BABAM2: variants seen among roughly 807,000 people sequenced by gnomAD.
BABAM2 encodes BRISC and BRCA1-A complex member 2.
Under a neutral mutation model 54.7 loss-of-function variants are expected in BABAM2, and 31 were observed. That is an observed-to-expected ratio of 0.57 (90% CI 0.43 to 0.77). The LOEUF (loss-of-function observed/expected upper bound fraction) is 0.77, where lower values mean the gene tolerates loss of function less well. BABAM2 is among the 30% of genes least tolerant of loss of function. BABAM2 has a pLI of 0.00. For synonymous variants in BABAM2, 167 were observed against 162.9 expected, an observed-to-expected ratio of 1.03 and a Z score of -0.19; for missense variants, 364 against 455.8, an observed-to-expected ratio of 0.80 and a Z score of 1.83.
At chr2:27,988,662 A>G (rs558601066) in intron 4 of BABAM2, among the ~76,000 whole-genome samples, 1 of 152,322 alleles carries the variant, frequency 6.6e-6, no homozygotes, top group South Asian at 2.1e-4. Context: ...CATTAGGGAA[A>G]GGGTGGTGGT....
At chr2:27,898,412 A>G (rs1415816048) in intron 2 of BABAM2, among the ~76,000 whole-genome samples, 1 of 152,174 alleles carries the variant, frequency 6.6e-6, no homozygotes, top group African/African-American at 2.4e-5. Context: ...GTCCATTGAT[A>G]GTCTTAAGTC....
chr2:28,187,383 A>G (rs1403027368), intron 7 of BABAM2, among the ~76,000 whole-genome samples: 1 of 152,102 alleles, frequency 6.6e-6, no homozygotes, highest in East Asian at 1.9e-4. Context: ...GCATGAGTGG[A>G]TTCTTATATC....
chr2:28,105,634 T>C (rs1275946005), intron 6 of BABAM2, among the ~76,000 whole-genome samples: 1 of 152,218 alleles, frequency 6.6e-6, no homozygotes, highest in Non-Finnish European at 1.5e-5. Context: ...CAAGCGTTGT[T>C]GGCGATGTAT....
chr2:28,040,513 G>T (rs1400399397), intron 5 of BABAM2, among the ~76,000 whole-genome samples: 1 of 151,510 alleles, frequency 6.6e-6, no homozygotes, highest in Non-Finnish European at 1.5e-5. Flanking sequence ...TTTTAGCCGG[G>T]ATGGTCTCGA....
intron 6 of BABAM2, among the ~76,000 whole-genome samples, chr2:28,083,278 C>T (rs779924778): frequency 2.6e-4 from 40 of 152,186 alleles, no homozygotes; most frequent in Admixed American, 3.9e-4. Flanking sequence ...CTGCTGATTG[C>T]ATGCTTAGCC....
intron 7 of BABAM2, among the ~76,000 whole-genome samples, chr2:28,208,830 T>C (rs1194363593): frequency 6.6e-6 from 1 of 152,176 alleles, no homozygotes; most frequent in African/African-American, 2.4e-5. Flanking sequence ...GGTGGGGAGA[T>C]GAAATGGTAA....
chr2:28,018,065 A>C (rs1022849667), intron 4 of BABAM2, among the ~76,000 whole-genome samples: 4 of 152,132 alleles, frequency 2.6e-5, no homozygotes, highest in African/African-American at 9.7e-5. Flanking sequence ...CTTTAGTGGC[A>C]ATTTCTGAGA....
chr2:28,309,963 G>A, intron 11 of BABAM2: 1 of 1,116,978 alleles, frequency 9.0e-7, no homozygotes. Flanking sequence ...TTTTCCTTAT[G>A]GGGTTTAGAA....
At chr2:28,319,707 C>A (rs749739239) in intron 11 of BABAM2, among the ~76,000 whole-genome samples, 1 of 152,228 alleles carries the variant, frequency 6.6e-6, no homozygotes, top group Non-Finnish European at 1.5e-5. Flanking sequence ...GTCCTCTGGC[C>A]GCAGACGCTG....
Position 27,983,147 on chromosome 2 carries a change from A to G in BABAM2, c.206-4846A>G, listed in dbSNP as rs150785724. Among the ~76,000 whole-genome samples, 13 of 152,056 alleles carry G rather than the reference A, an allele frequency of 8.5e-5. No individual in the cohort carries two copies. The East Asian group carries it at 2.5e-3, about 29-fold the overall frequency. On this transcript the variant is annotated intron_variant, in intron 3 of 11. Transcript: ENST00000379624. ...CCACCAGCACTTCCAAGGGGTTCCA[A>G]TTTCTTCATGTTCTCACCCACCCTT...
chr2:28,332,411 A>G (rs1020797742), intron 11 of BABAM2, among the ~76,000 whole-genome samples: 7 of 152,218 alleles, frequency 4.6e-5, no homozygotes, highest in Non-Finnish European at 7.3e-5. Context: ...ATCTCAGACC[A>G]TAACTGGGTG....
intron 7 of BABAM2, among the ~76,000 whole-genome samples, chr2:28,232,625 T>C (rs1306017690): frequency 6.6e-6 from 1 of 152,222 alleles, no homozygotes; most frequent in Non-Finnish European, 1.5e-5. Context: ...CATGTTACTA[T>C]ACTGAATACT....
rs541288840 is a variant in BABAM2 at position 28,029,295 on chromosome 2, ACATTGTTGTGC to A, written c.495+3876_495+3886del. Reference sequence around the variant, plus strand: ...CAGTTCAGTAGTGTTAAGTATATTCACATTGTTGTGCAACAGATCTCTAGAACTTTTTCATC... The same window carrying A: ...CAGTTCAGTAGTGTTAAGTATATTCAAACAGATCTCTAGAACTTTTTCATC... On this transcript the variant is annotated intron_variant, in intron 5 of 11. Coordinates refer to ENST00000379624, the MANE Select transcript of BABAM2 (RefSeq NM_199191.3). 9.5e-4 allele frequency among the ~76,000 whole-genome samples: 144 copies of A among 152,276 alleles called. 1 individual carries two copies. Among genetic ancestry groups the A allele is most frequent in the African/African-American group, 3.4e-3 (140 of 41,542 alleles).
intron 4 of BABAM2, among the ~76,000 whole-genome samples, chr2:28,002,555 T>G (rs776551967): frequency 6.6e-6 from 1 of 152,142 alleles, no homozygotes; most frequent in African/African-American, 2.4e-5. Flanking sequence ...ATGTAATTAC[T>G]CAGATTCAGG....
intron 6 of BABAM2, among the ~76,000 whole-genome samples, chr2:28,079,471 A>G (rs1664975051): frequency 6.6e-6 from 1 of 152,164 alleles, no homozygotes; most frequent in Admixed American, 6.5e-5. Context: ...TTAGAGGTAA[A>G]ATAAAAGCTC....
chr2:28,016,432 C>T (rs761111987), intron 4 of BABAM2: 18 of 1,402,654 alleles, frequency 1.3e-5, no homozygotes, highest in Middle Eastern at 1.8e-4. Context: ...CCCTTGATCT[C>T]GCCATTGCTG....
intron 3 of BABAM2, among the ~76,000 whole-genome samples, chr2:27,962,414 G>T (rs918705944): frequency 2.0e-5 from 3 of 152,128 alleles, no homozygotes; most frequent in Admixed American, 2.0e-4. Context: ...TTTCTTTAAT[G>T]TGGGAAATAT....
intron 6 of BABAM2, among the ~76,000 whole-genome samples, chr2:28,104,585 T>C (rs575906722): frequency 2.3e-3 from 347 of 152,340 alleles, no homozygotes; most frequent in African/African-American, 7.9e-3. Flanking sequence ...TTTTACACTG[T>C]TGGTGGGACT....
intron 7 of BABAM2, among the ~76,000 whole-genome samples, chr2:28,165,717 T>C (rs1673601459): frequency 6.6e-6 from 1 of 151,864 alleles, no homozygotes. Context: ...GTATCTTTAG[T>C]AGAGATGGGG....
Sources: allele counts gnomAD v4.1 joint callset (sites outside exome capture counted in the v4.1 genomes callset), GRCh38; gene constraint gnomAD v4.1.1; transcripts MANE v1.5; gene names NCBI Gene and HGNC (gene_info 2026-07-23, HGNC 2026-07-21).